THBS2: variants seen among roughly 807,000 people sequenced by gnomAD.
THBS2 encodes thrombospondin 2, also known as thrombospondin-2.
A neutral mutation model predicts 135.2 loss-of-function variants in THBS2; 47 were observed. The observed-to-expected ratio is 0.35, with a 90% CI of 0.28 to 0.44. The LOEUF (loss-of-function observed/expected upper bound fraction) is 0.44, where lower values mean the gene tolerates loss of function less well. THBS2 is among the 20% of genes least tolerant of loss of function. The probability of loss-of-function intolerance (pLI) is 1.00; values close to 1 mark genes in which losing one functional copy is unlikely to be tolerated. For synonymous variants in THBS2, 639 were observed against 633.8 expected, an observed-to-expected ratio of 1.01 and a Z score of -0.12; for missense variants, 1,288 against 1,603.1, an observed-to-expected ratio of 0.80 and a Z score of 3.36.
intron 9 of THBS2, among the ~76,000 whole-genome samples, chr6:169,236,439 C>G (rs1273337811): frequency 8.7e-5 from 12 of 138,220 alleles, no homozygotes; most frequent in Non-Finnish European, 1.7e-4. Flanking sequence ...TCCCCATCCA[C>G]ACTCATTGCC....
chr6:169,237,023 G>C (rs756964817), intron 9 of THBS2, 147 bp downstream of exon 9: 42 of 893,102 alleles, frequency 4.7e-5, no homozygotes, highest in Non-Finnish European at 1.3e-5. Flanking sequence ...AGCCAGGCCC[G>C]GGATGGCAGC....
rs1482581394 is a variant in THBS2 at position 169,247,455 on chromosome 6, TTGTGCA to T, written c.609+956_609+961del. 1.2e-4 allele frequency among the ~76,000 whole-genome samples: 18 copies of T among 152,176 alleles called. No individual in the cohort carries two copies. In the East Asian group the frequency reaches 2.3e-3, roughly 20 times the overall value. ...TACGTGTGTATGAGTATGTGTGCATTTGTGCATGTGTATGTGTGTGTACATGTGTGG... is the reference window on the plus strand; with the variant it reads ...TACGTGTGTATGAGTATGTGTGCATTTGTGTATGTGTGTGTACATGTGTGG... On this transcript the variant is annotated intron_variant, in intron 3 of 21. Transcript: ENST00000617924.
At position 169,240,759 on chromosome 6, in the gene THBS2, G is replaced by T. The variant is rs187098102; in HGVS notation, c.892-167C>A. Among the ~76,000 whole-genome samples, 353 of 152,252 alleles carry T rather than the reference G, an allele frequency of 2.3e-3. 3 individuals carry two copies. The highest frequency in any genetic ancestry group is 0.019 in the Admixed American group (292 of 15,298). Reference sequence around the variant, plus strand: ...TCCGGAAGTTGTCCTCCATCCTCACGGGGCTTTCTGAGCCACAGCTTCGTC... The same window carrying T: ...TCCGGAAGTTGTCCTCCATCCTCACTGGGCTTTCTGAGCCACAGCTTCGTC... On this transcript the variant is annotated intron_variant, in intron 5 of 21. Transcript: ENST00000617924.
rs1562363091 is a variant in THBS2 at position 169,242,643 on chromosome 6, TTCCCACCACTCCCACCTTCCCACCAC to T, written c.695-711_695-686del. ...CTCCCACCTTCCCACCACTCCCACC[TTCCCACCACTCCCACCTTCCCACCAC>T]TCCCACCTTCCCACCTTCCCATCTT... On this transcript the variant is annotated intron_variant, in intron 4 of 21. Coordinates refer to ENST00000617924, the MANE Select transcript of THBS2 (RefSeq NM_003247.5). 6.4e-3 allele frequency among the ~76,000 whole-genome samples: 466 copies of T among 73,366 alleles called. 2 individuals carry two copies. Among genetic ancestry groups the T allele is most frequent in the East Asian group, 0.014 (27 of 1,950 alleles). 48.1% of individuals were successfully genotyped at this position (73,366 alleles called of 152,430 possible). A position where few individuals can be genotyped will look rare whatever the true frequency, so the allele number is the denominator to read the frequency against.
rs532924553 is a variant in THBS2, at chr6:169,240,539, C to T, written c.945G>A (p.Arg315=). Residue 315 remains arginine (R), a synonymous_variant, in exon 6 of 22, where the codon AGG becomes AGA. Transcript: ENST00000617924. The part of the protein sequence containing the change: ...WELIGGPPKT[R]NMSACWQDGR... The stretch of plus-strand genomic sequence containing the variant: ...CATCCTGCCAGCAAGCTGACATGTT[C>T]CTTGTCTTAGGAGGGCCACCAATGA... The T allele has an allele frequency of 1.2e-6, 2 of 1,614,012 alleles. No individual in the cohort carries two copies. The highest frequency in any genetic ancestry group is 4.5e-5 in the East Asian group (2 of 44,880).
chr6:169,231,641 A>T (rs1417642149), intron 13 of THBS2, among the ~76,000 whole-genome samples: 1 of 152,240 alleles, frequency 6.6e-6, no homozygotes, highest in African/African-American at 2.4e-5. Flanking sequence ...CCTGAGACAC[A>T]ATGGCCTCTG....
chr6:169,242,675 C>CCTTCCCACCTTCCCAT (rs1192481095), intron 4 of THBS2, among the ~76,000 whole-genome samples: 1 of 60,530 alleles, frequency 1.7e-5, no homozygotes, highest in African/African-American at 7.3e-5. Context: ...ACCACTCCCA[C>CCTTCCCACCTTCCCAT]CTTCCCACCT....
intron 6 of THBS2, among the ~76,000 whole-genome samples, chr6:169,239,929 C>T (rs1780231946): frequency 6.6e-6 from 1 of 152,202 alleles, no homozygotes; most frequent in South Asian, 2.1e-4. Context: ...TCTCCCTTCA[C>T]TGAGCAGCAA....
At chr6:169,226,398 A>T (rs374787767) in intron 15 of THBS2, 100 bp from the exon 16 acceptor site, 5 of 783,960 alleles carry the variant, frequency 6.4e-6, no homozygotes, top group Non-Finnish European at 1.1e-5. Flanking sequence ...AATTGCTTAC[A>T]GCCACACTTC....
chr6:169,232,531 C>A (rs1779880424), intron 12 of THBS2, 133 bp downstream of exon 12: 2 of 1,430,940 alleles, frequency 1.4e-6, no homozygotes, highest in Non-Finnish European at 1.9e-6. Flanking sequence ...TGCTCAGCTT[C>A]CCCGGGCCAG....
rs55724365 is a variant in THBS2, at chr6:169,216,413, AAAAC to A, written c.*1405_*1408del. On this transcript the variant is annotated 3_prime_UTR_variant, in exon 22 of 22. Transcript: ENST00000617924. ...GAAAGATCATGCAACTTAAAGCAAA[AAAAC>A]AAACCAACCAACAAAAAAAACAAAA... The A allele has an allele frequency of 0.21, 32,303 of 151,858 alleles. 3,487 individuals carry two copies. The highest frequency in any genetic ancestry group is 0.26 in the Middle Eastern group (75 of 294). The allele number at this position is 151,858 out of a possible 1,614,324, so 9.4% of individuals were successfully genotyped here.
At chr6:169,230,903 A>C (rs1381285202) in intron 13 of THBS2, among the ~76,000 whole-genome samples, 1 of 152,202 alleles carries the variant, frequency 6.6e-6, no homozygotes, top group African/African-American at 2.4e-5. Flanking sequence ...AAATTAACAC[A>C]AAATTTGCAA....
In THBS2 at chr6:169,225,248, GTC is replaced by G. The variant is rs1562355106; in HGVS notation, c.2668_2669del (p.Asp890ArgfsTer7). 1 of 1,613,358 alleles carries G rather than the reference GTC, an allele frequency of 6.2e-7. No individual in the cohort carries two copies. Among genetic ancestry groups the G allele is most frequent in the Non-Finnish European group, 8.5e-7 (1 of 1,179,626 alleles). ...SNANQADHDR[D>X]GQGDACDPDD... ...CAGGGTCACAGGCGTCGCCCTGGCC[GTC>G]TCTGTCATGGTCAGCCTGGTTGGCG... On this transcript the variant is annotated frameshift_variant, in exon 17 of 22. Coordinates refer to ENST00000617924, the MANE Select transcript of THBS2 (RefSeq NM_003247.5). LOFTEE classifies it high-confidence loss of function.
intron 17 of THBS2, 47 bp downstream of exon 17, chr6:169,225,098 C>T: frequency 1.3e-6 from 2 of 1,590,638 alleles, no homozygotes; most frequent in Non-Finnish European, 1.7e-6. Flanking sequence ...TGGCGGGTTG[C>T]TCAGAAGCCA....
chr6:169,248,423 G>A lies in THBS2; in HGVS notation c.603C>T (p.His201=). ...ACCTCCCTGCAGAGCGTACCCTGAA[G>A]TGACTCTCTCTGGCAGAGCCTTTGG... ...YVAKGSARES[H]FRGLLQNVHL... Residue 201 remains histidine (H), a synonymous_variant, in exon 3 of 22, where the codon CAC becomes CAT. Coordinates refer to ENST00000617924, the MANE Select transcript of THBS2 (RefSeq NM_003247.5). 1.2e-6 allele frequency: 2 copies of A among 1,603,302 alleles called. No homozygotes were observed. The highest frequency in any genetic ancestry group is 1.1e-5 in the South Asian group (1 of 90,738).
chr6:169,247,543 G>C (rs1295744759), intron 3 of THBS2, among the ~76,000 whole-genome samples: 1 of 152,044 alleles, frequency 6.6e-6, no homozygotes, highest in Non-Finnish European at 1.5e-5. Flanking sequence ...ATGTGTGAGT[G>C]TATGTATGGT....
At chr6:169,248,078 CAT>C (rs761309366) in intron 3 of THBS2, among the ~76,000 whole-genome samples, 7 of 151,514 alleles carry the variant, frequency 4.6e-5, no homozygotes, top group African/African-American at 7.3e-5. Context: ...GGTGTGTGTA[CAT>C]GTGTGATGTA....
intron 14 of THBS2, 115 bp from the exon 15 acceptor site, chr6:169,228,396 C>A: frequency 7.4e-7 from 1 of 1,356,670 alleles, no homozygotes; most frequent in South Asian, 1.4e-5. Context: ...AGAAATCAAA[C>A]AAACACAAAA....
chr6:169,222,774 ACAAGAG>A (rs1408144350), intron 18 of THBS2, among the ~76,000 whole-genome samples: 23 of 149,934 alleles, frequency 1.5e-4, no homozygotes, highest in Admixed American at 8.7e-4. Context: ...AGCCTGGGGG[ACAAGAG>A]CAAGACTCCA....
Sources: gnomAD v4.1 joint callset for allele counts (sites outside exome capture counted in the v4.1 genomes callset) on GRCh38, gnomAD v4.1.1 for gene constraint, MANE v1.5 for transcripts, NCBI Gene and HGNC (gene_info 2026-07-23, HGNC 2026-07-21) for gene names.